The following GALNT17 variants were observed in gnomAD, a reference collection of about 807,000 sequenced individuals.
The protein encoded by GALNT17 is UDP-GalNAc:polypeptide N-acetylgalactosaminyltransferase-like 3.
In GALNT17, 29 loss-of-function variants were observed where a neutral mutation model predicts 63.7. The ratio of observed to expected loss-of-function variants is 0.46; its 90% CI spans 0.34 to 0.62. The LOEUF is 0.62. Among genes scored for constraint, GALNT17 ranks in the 20% least tolerant of loss-of-function variants. GALNT17 has a pLI of 0.01. For missense variants in GALNT17, 603 were observed against 799.6 expected (o/e 0.75, Z 2.97); for synonymous variants, 305 against 318.3 (o/e 0.96, Z 0.45).
chr7:71,276,260 A>T (rs904299526), intron 1 of GALNT17, among the ~76,000 whole-genome samples: 8 of 152,164 alleles, frequency 5.3e-5, no homozygotes, highest in Non-Finnish European at 1.0e-4. Flanking sequence ...CATAAGAGTG[A>T]GTGTTCTGAG....
chr7:71,141,663 T>TTTTC lies in GALNT17; in HGVS notation c.238+8639_238+8642dup, dbSNP rs1187557114. On this transcript the variant is annotated intron_variant, in intron 1 of 10. Coordinates refer to ENST00000333538, the MANE Select transcript of GALNT17 (RefSeq NM_022479.3). ...TGGTAGGTACTCAGGAGATGTTTCTTTTTCTTTCTTTCTTTCTTTTTTTTT... is the reference window on the plus strand; with the variant it reads ...TGGTAGGTACTCAGGAGATGTTTCTTTTTCTTTCTTTCTTTCTTTCTTTTTTTTT... Among the ~76,000 whole-genome samples the TTTTC allele has an allele frequency of 7.4e-5, 11 of 149,102 alleles. 1 individual carries two copies. In the South Asian group the frequency reaches 2.3e-3, roughly 32 times the overall value.
At chr7:71,696,721 G>A (rs1791551381) in intron 9 of GALNT17, among the ~76,000 whole-genome samples, 2 of 152,148 alleles carry the variant, frequency 1.3e-5, no homozygotes, top group Admixed American at 6.5e-5. Context: ...TTTGAGCTCA[G>A]AGGGTTTTTT....
At chr7:71,163,221 G>A (rs1788380140) in intron 1 of GALNT17, among the ~76,000 whole-genome samples, 1 of 152,178 alleles carries the variant, frequency 6.6e-6, no homozygotes, top group East Asian at 1.9e-4. Context: ...AGACTTGCAG[G>A]GGAACAGTTT....
At chr7:71,539,336 A>G (rs552325555) in intron 5 of GALNT17, among the ~76,000 whole-genome samples, 1 of 152,292 alleles carries the variant, frequency 6.6e-6, no homozygotes, top group African/African-American at 2.4e-5. Context: ...TTTGAATGAT[A>G]AAAATAGAAA....
chr7:71,657,208 T>C (rs2140890), intron 6 of GALNT17, among the ~76,000 whole-genome samples: 92,368 of 151,952 alleles, frequency 0.61, 28,480 homozygotes, highest in East Asian at 0.74. Flanking sequence ...CACAAGATGA[T>C]GTGGACCATT....
chr7:71,628,269 A>C (rs1790404238), intron 6 of GALNT17, among the ~76,000 whole-genome samples: 2 of 152,212 alleles, frequency 1.3e-5, no homozygotes, highest in African/African-American at 4.8e-5. Context: ...CGTTTTTATT[A>C]TTAGATTCAA....
chr7:71,690,364 C>G (rs557827368), intron 9 of GALNT17, among the ~76,000 whole-genome samples: 1 of 149,954 alleles, frequency 6.7e-6, no homozygotes, highest in African/African-American at 2.5e-5. Flanking sequence ...AGTCCCACTT[C>G]TCAGAAAAAA....
intron 1 of GALNT17, among the ~76,000 whole-genome samples, chr7:71,140,347 C>T (rs1433512149): frequency 6.6e-6 from 1 of 152,184 alleles, no homozygotes; most frequent in Non-Finnish European, 1.5e-5. Flanking sequence ...CACCCACTCC[C>T]TTTACCTCCA....
intron 5 of GALNT17, among the ~76,000 whole-genome samples, chr7:71,502,998 G>A (rs1473971714): frequency 1.3e-5 from 2 of 152,070 alleles, no homozygotes; most frequent in Non-Finnish European, 2.9e-5. Flanking sequence ...CCCCTGCACT[G>A]TTGATCACCC....
At chr7:71,580,248 TA>T (rs1347856463) in intron 6 of GALNT17, among the ~76,000 whole-genome samples, 1 of 151,884 alleles carries the variant, frequency 6.6e-6, no homozygotes, top group African/African-American at 2.4e-5. Context: ...TATAGACAGA[TA>T]AATAGATGAT....
chr7:71,611,078 C>G (rs886403410), intron 6 of GALNT17, among the ~76,000 whole-genome samples: 3 of 152,016 alleles, frequency 2.0e-5, no homozygotes, highest in African/African-American at 7.2e-5. Context: ...GCTTCACATC[C>G]CATTCATCCA....
chr7:71,614,768 AAGAAACAGAGAAAG>A (rs927484274), intron 6 of GALNT17, among the ~76,000 whole-genome samples: 10 of 147,844 alleles, frequency 6.8e-5, no homozygotes, highest in South Asian at 6.6e-4. Context: ...CAGAAAGAGA[AAGAAACAGAGAAAG>A]AGAAACAGAG....
intron 10 of GALNT17, 136 bp from the exon 11 acceptor site, chr7:71,711,882 C>T (rs1311388126): frequency 3.2e-6 from 3 of 945,164 alleles, no homozygotes; most frequent in South Asian, 1.6e-5. Flanking sequence ...TTCTCTGTCT[C>T]TCTCTTTCTC....
intron 2 of GALNT17, among the ~76,000 whole-genome samples, chr7:71,341,710 G>T (rs1792007844): frequency 6.6e-6 from 1 of 152,168 alleles, no homozygotes; most frequent in African/African-American, 2.4e-5. Flanking sequence ...AGGAGCAAAT[G>T]CAAAGTAAAC....
At chr7:71,690,463 T>C (rs1053557727) in intron 9 of GALNT17, among the ~76,000 whole-genome samples, 6 of 152,214 alleles carry the variant, frequency 3.9e-5, no homozygotes, top group African/African-American at 1.2e-4. Context: ...ATGAATGTTG[T>C]TCTCATGCCT....
intron 6 of GALNT17, among the ~76,000 whole-genome samples, chr7:71,589,131 G>A (rs1404291771): frequency 1.3e-5 from 2 of 152,230 alleles, no homozygotes; most frequent in East Asian, 1.9e-4. Context: ...CCATAGACTG[G>A]TCTTCTTTGT....
At chr7:71,296,041 T>G (rs1202293514) in intron 1 of GALNT17, among the ~76,000 whole-genome samples, 4 of 152,190 alleles carry the variant, frequency 2.6e-5, no homozygotes, top group Non-Finnish European at 5.9e-5. Flanking sequence ...ATGAGTTGTT[T>G]TAAGTAAGTA....
intron 5 of GALNT17, among the ~76,000 whole-genome samples, chr7:71,486,111 T>C (rs1787904218): frequency 6.6e-6 from 1 of 151,968 alleles, no homozygotes. Context: ...GGCGGATTAC[T>C]TGAGGTCAGG....
intron 5 of GALNT17, among the ~76,000 whole-genome samples, chr7:71,509,194 A>G (rs760885278): frequency 3.3e-5 from 5 of 152,224 alleles, no homozygotes; most frequent in Non-Finnish European, 5.9e-5. Flanking sequence ...TGAGATATGC[A>G]ACACTTTATT....
Sources: gnomAD v4.1 joint callset for allele counts (sites outside exome capture counted in the v4.1 genomes callset) on GRCh38, gnomAD v4.1.1 for gene constraint, MANE v1.5 for transcripts, NCBI Gene and HGNC (gene_info 2026-07-23, HGNC 2026-07-21) for gene names.